Variants in TCF24 observed in about 807,000 individuals in gnomAD.
TCF24 encodes transcription factor 24.
Under a neutral mutation model 9.3 loss-of-function variants are expected in TCF24, and 5 were observed. That is an observed-to-expected ratio of 0.54 (90% CI 0.28 to 1.13). The LOEUF is 1.13. Among genes scored for constraint, TCF24 ranks in the 50% most tolerant of loss-of-function variants. The pLI, the probability that TCF24 is intolerant of heterozygous loss-of-function variation, is 0.09. For synonymous variants in TCF24, 110 were observed against 115.8 expected, an observed-to-expected ratio of 0.95 and a Z score of 0.32; for missense variants, 220 against 236.1, an observed-to-expected ratio of 0.93 and a Z score of 0.45.
chr8:66,957,895 T>TTA (rs1814186066), intron 3 of TCF24, among the ~76,000 whole-genome samples: 2 of 43,036 alleles, frequency 4.6e-5, no homozygotes, highest in Non-Finnish European at 8.6e-5. Flanking sequence ...TAAGAATTGC[T>TTA]AAAAAAAAAA....
At position 66,956,153 on chromosome 8, in the gene TCF24, T is replaced by A. The variant is rs1030813139; in HGVS notation, c.390+5223A>T. Among the ~76,000 whole-genome samples the A allele has an allele frequency of 2.6e-5, 4 of 152,270 alleles. No homozygotes were observed. In the East Asian group the frequency reaches 7.7e-4, roughly 29 times the overall value. On this transcript the variant is annotated intron_variant, in intron 3 of 3. Coordinates refer to ENST00000563496, the MANE Select transcript of TCF24 (RefSeq NM_001193502.2). ...TTTTTACAGAGGCAGAGTCTCACTA[T>A]GTTGCTTTGAGTTCAAGGGTGGTCT...
At chr8:66,957,304 C>A (rs1446834197) in intron 3 of TCF24, among the ~76,000 whole-genome samples, 1 of 150,512 alleles carries the variant, frequency 6.6e-6, no homozygotes, top group Admixed American at 6.7e-5. Flanking sequence ...ATAATCCCAG[C>A]TACTTGGGAG....
chr8:66,956,111 G>A (rs1259391288), intron 3 of TCF24, among the ~76,000 whole-genome samples: 1 of 151,658 alleles, frequency 6.6e-6, no homozygotes, highest in East Asian at 1.9e-4. Flanking sequence ...AAACTTGTTT[G>A]TTTGTTTGTT....
In TCF24 at chr8:66,950,761, T is replaced by G. The variant is rs1245572222; in HGVS notation, c.391-2597A>C. On this transcript the variant is annotated intron_variant, in intron 3 of 3. Transcript: ENST00000563496. ...TTCCATTTGTTTGTATCCTCTTTTA[T>G]TTCATTGAGCAGTGGTTTGTAGTTC... is the stretch of plus-strand genomic sequence containing the variant. 2.0e-5 allele frequency among the ~76,000 whole-genome samples: 3 copies of G among 152,020 alleles called. No individual in the cohort carries two copies. In the East Asian group the frequency reaches 5.8e-4, roughly 29 times the overall value.
At chr8:66,958,876 G>A (rs1025951543) in intron 3 of TCF24, among the ~76,000 whole-genome samples, 2 of 152,166 alleles carry the variant, frequency 1.3e-5, no homozygotes, top group South Asian at 4.1e-4. Context: ...TGATGCTGAT[G>A]GAAATAAATT....
At position 66,961,598 on chromosome 8, in the gene TCF24, C is replaced by G. The variant is rs1454522096; in HGVS notation, c.168G>C (p.Ala56=). 7.6e-6 allele frequency: 10 copies of G among 1,311,146 alleles called. No individual in the cohort carries two copies. The highest frequency in any genetic ancestry group is 9.7e-6 in the Non-Finnish European group (10 of 1,031,994). 81.2% of individuals were successfully genotyped at this position (1,311,146 alleles called of 1,614,324 possible). A position where few individuals can be genotyped will look rare whatever the true frequency, so the allele number is the denominator to read the frequency against. Residue 56 remains alanine, a synonymous_variant, in exon 3 of 4, where the codon GCG becomes GCC. Transcript: ENST00000563496. The part of the protein sequence containing the change: ...GSGRPAAANA[A]RERSRVQTLR... Reference sequence around the variant, plus strand: ...GGGTCTGCACCCGGCTGCGCTCCCGCGCCGCATTCGCCGCCGCCGGCCGCC... The same window carrying G: ...GGGTCTGCACCCGGCTGCGCTCCCGGGCCGCATTCGCCGCCGCCGGCCGCC...
intron 3 of TCF24, chr8:66,955,201 T>C (rs1020121601): frequency 1.2e-4 from 18 of 152,216 alleles, no homozygotes; most frequent in African/African-American, 4.1e-4. Flanking sequence ...ATCTTTATGG[T>C]GGGCAATCTC....
At chr8:66,960,436 G>A (rs1814235228) in intron 3 of TCF24, among the ~76,000 whole-genome samples, 1 of 152,040 alleles carries the variant, frequency 6.6e-6, no homozygotes, top group South Asian at 2.1e-4. Flanking sequence ...GTGTGTGTGT[G>A]TGCGCGCGTG....
intron 3 of TCF24, among the ~76,000 whole-genome samples, chr8:66,948,828 T>G (rs1814009044): frequency 6.6e-6 from 1 of 152,170 alleles, no homozygotes; most frequent in African/African-American, 2.4e-5. Context: ...CCTGAGTAGC[T>G]AGGATTATAG....
chr8:66,955,893 C>A (rs2130900566), intron 3 of TCF24, among the ~76,000 whole-genome samples: 1 of 152,224 alleles, frequency 6.6e-6, no homozygotes, highest in Non-Finnish European at 1.5e-5. Context: ...CTGTGGCAAC[C>A]AACCAAAGTC....
Position 66,961,797 on chromosome 8 carries a change from G to C in TCF24, c.-23-9C>G. 9.0e-7 allele frequency: 1 copy of C among 1,113,492 alleles called. No homozygotes were observed. The highest frequency in any genetic ancestry group is 1.1e-6 in the Non-Finnish European group (1 of 911,970). The allele number at this position is 1,113,492 out of a possible 1,614,324, so 69.0% of individuals were successfully genotyped here. ...TTCCCGCGCCGCGCGCGCTGCAAAG[G>C]ACCGAAGGTGCGGTGAGGCCGGGGG... is the stretch of plus-strand genomic sequence containing the variant. On this transcript the variant is annotated splice_polypyrimidine_tract_variant and intron_variant, in intron 2 of 3. Transcript: ENST00000563496.
intron 3 of TCF24, among the ~76,000 whole-genome samples, chr8:66,951,930 C>T (rs1443534418): frequency 3.4e-5 from 5 of 145,910 alleles, no homozygotes; most frequent in African/African-American, 1.0e-4. Context: ...TCTGTGGGAT[C>T]GGTGGTGATA....
chr8:66,952,434 G>C (rs1218704519), intron 3 of TCF24, among the ~76,000 whole-genome samples: 1 of 138,566 alleles, frequency 7.2e-6, no homozygotes, highest in Admixed American at 7.4e-5. Context: ...CTGAGTTCTA[G>C]TTTGATTGCA....
intron 3 of TCF24, among the ~76,000 whole-genome samples, chr8:66,953,445 A>G (rs375286025): frequency 2.0e-5 from 3 of 152,194 alleles, no homozygotes; most frequent in African/African-American, 4.8e-5. Context: ...CTGGCTTGTA[A>G]GGTTTCTGCC....
At chr8:66,956,528 A>T in intron 3 of TCF24, among the ~76,000 whole-genome samples, 1 of 151,802 alleles carries the variant, frequency 6.6e-6, no homozygotes, top group South Asian at 2.1e-4. Context: ...ATGCCCGGCT[A>T]ATTTTTGTAT....
intron 3 of TCF24, among the ~76,000 whole-genome samples, chr8:66,957,560 T>A (rs1420916020): frequency 1.3e-5 from 2 of 152,106 alleles, no homozygotes; most frequent in Non-Finnish European, 2.9e-5. Context: ...GATTTTGGAT[T>A]TTCCAGTCTC....
intron 3 of TCF24, among the ~76,000 whole-genome samples, chr8:66,953,685 G>T (rs1284653694): frequency 6.6e-6 from 1 of 152,142 alleles, no homozygotes; most frequent in African/African-American, 2.4e-5. Flanking sequence ...ATATCCTGCA[G>T]AGTGTTTTCC....
rs1214347410 is a variant in TCF24, at chr8:66,954,164, G to C, written c.391-6000C>G. On this transcript the variant is annotated intron_variant, in intron 3 of 3. Transcript: ENST00000563496. The stretch of plus-strand genomic sequence containing the variant: ...GGAACTGCGTTCCTTTGGAGGAGGA[G>C]AGGTGCTCTGCATTTTAGAGTTTCC... Among the ~76,000 whole-genome samples the C allele has an allele frequency of 2.0e-5, 3 of 152,362 alleles. No homozygotes were observed. The East Asian group carries it at 5.8e-4, about 29-fold the overall frequency.
At chr8:66,948,402 T>C (rs769087410) in intron 3 of TCF24, among the ~76,000 whole-genome samples, 79 of 152,208 alleles carry the variant, frequency 5.2e-4, no homozygotes, top group Admixed American at 3.9e-4. Context: ...TGTGTGCTTA[T>C]GGACAAGAAC....
Sources: gnomAD v4.1 joint callset for allele counts (sites outside exome capture counted in the v4.1 genomes callset) on GRCh38, gnomAD v4.1.1 for gene constraint, MANE v1.5 for transcripts, NCBI Gene and HGNC (gene_info 2026-07-23, HGNC 2026-07-21) for gene names.